ACBD6: variants seen among roughly 807,000 people sequenced by gnomAD.
The protein encoded by ACBD6 is acyl-CoA-binding domain-containing protein 6.
In ACBD6, 28 loss-of-function variants were observed where a neutral mutation model predicts 37.2. The observed-to-expected ratio is 0.75, with a 90% CI of 0.56 to 1.03. The LOEUF (loss-of-function observed/expected upper bound fraction) is 1.03, where lower values mean the gene tolerates loss of function less well. ACBD6 is among the 50% of genes least tolerant of loss of function. The pLI is 0.00. For missense variants in ACBD6, 340 were observed against 337.4 expected (o/e 1.01, Z -0.06); for synonymous variants, 113 against 126.8 (o/e 0.89, Z 0.73).
At chr1:180,285,994 A>G (rs1280870029), downstream of ACBD6, among the ~76,000 whole-genome samples, 1 of 152,220 alleles carries the variant, frequency 6.6e-6, no homozygotes, top group African/African-American at 2.4e-5. Context: ...ACTACTTTCT[A>G]TGAGACTTTT....
At chr1:180,333,333 T>C (rs1651561227) in intron 6 of ACBD6, among the ~76,000 whole-genome samples, 1 of 152,216 alleles carries the variant, frequency 6.6e-6, no homozygotes, top group African/African-American at 2.4e-5. Flanking sequence ...CATATCTAGT[T>C]CTGCATTCAA....
intron 1 of ACBD6, 123 bp downstream of exon 1, chr1:180,501,922 A>C (rs2102111544): frequency 1.0e-6 from 1 of 960,862 alleles, no homozygotes; most frequent in South Asian, 1.5e-5. Context: ...AAAAAAACAA[A>C]ACAAAATACA....
At chr1:180,312,674 TG>T (rs1650639082) in intron 7 of ACBD6, among the ~76,000 whole-genome samples, 1 of 152,242 alleles carries the variant, frequency 6.6e-6, no homozygotes, top group Admixed American at 6.5e-5. Context: ...ATGTTTGCTC[TG>T]GGTTTTTGAT....
intron 5 of ACBD6, among the ~76,000 whole-genome samples, chr1:180,411,872 A>C (rs749793684): frequency 6.6e-6 from 1 of 151,924 alleles, no homozygotes; most frequent in Non-Finnish European, 1.5e-5. Context: ...GGATCTCACT[A>C]TGTTGGCCAG....
intron 3 of ACBD6, among the ~76,000 whole-genome samples, chr1:180,452,411 T>C (rs1649745925): frequency 6.6e-6 from 1 of 151,782 alleles, no homozygotes; most frequent in South Asian, 2.1e-4. Context: ...GCGAAGGTTG[T>C]GGTGAGCCGA....
exon 14 of ACBD6, chr1:180,270,764 C>T (rs1007074020): frequency 1.9e-5 from 3 of 158,408 alleles, no homozygotes; most frequent in Non-Finnish European, 4.2e-5. Flanking sequence ...CCATCCCATT[C>T]TCTTCATCTG....
intron 6 of ACBD6, among the ~76,000 whole-genome samples, chr1:180,323,805 T>C (rs1308606101): frequency 1.3e-5 from 2 of 152,092 alleles, no homozygotes; most frequent in African/African-American, 4.8e-5. Flanking sequence ...GTGAAGTGTG[T>C]CTCTTGTAGG....
At chr1:180,483,872 A>G (rs1557889626) in intron 3 of ACBD6, among the ~76,000 whole-genome samples, 1 of 152,190 alleles carries the variant, frequency 6.6e-6, no homozygotes, top group Admixed American at 6.5e-5. Context: ...AAGAAATAGT[A>G]CCCATGCATC....
chr1:180,495,925 T>C (rs1651720201), intron 1 of ACBD6, among the ~76,000 whole-genome samples: 1 of 152,210 alleles, frequency 6.6e-6, no homozygotes, highest in Admixed American at 6.5e-5. Context: ...TCAGAATTCA[T>C]AACACTGTTT....
intron 7 of ACBD6, among the ~76,000 whole-genome samples, chr1:180,300,467 T>C (rs978444405): frequency 6.6e-6 from 1 of 152,118 alleles, no homozygotes; most frequent in African/African-American, 2.4e-5. Context: ...TAGTGAAAAA[T>C]TATAAATTAA....
chr1:180,343,879 G>T (rs1226260195), intron 6 of ACBD6, among the ~76,000 whole-genome samples: 5 of 152,062 alleles, frequency 3.3e-5, no homozygotes, highest in African/African-American at 1.2e-4. Context: ...GACCGGCCTG[G>T]GTGACAGAAA....
intron 9 of ACBD6, chr1:180,278,247 A>T (rs1244477055): frequency 6.6e-6 from 1 of 152,208 alleles, no homozygotes; most frequent in African/African-American, 2.4e-5. Flanking sequence ...GATGAAGAAA[A>T]ATTCAATTAA....
At chr1:180,305,202 G>T (rs10913963) in intron 7 of ACBD6, among the ~76,000 whole-genome samples, 7,410 of 152,236 alleles carry the variant, frequency 0.049, 528 homozygotes, top group East Asian at 0.29. Context: ...AGGACTTCAT[G>T]TCTACAACAC....
intron 6 of ACBD6, among the ~76,000 whole-genome samples, chr1:180,393,992 T>C (rs145076684): frequency 3.9e-4 from 60 of 152,306 alleles, no homozygotes; most frequent in Middle Eastern, 3.4e-3. Flanking sequence ...TCCAAACAAA[T>C]AGAACGTAAG....
At chr1:180,370,049 C>T (rs554506132) in intron 6 of ACBD6, among the ~76,000 whole-genome samples, 33 of 152,224 alleles carry the variant, frequency 2.2e-4, no homozygotes, top group African/African-American at 7.7e-4. Flanking sequence ...TAGCTTATAT[C>T]AAACACATTA....
chr1:180,400,685 C>T (rs552531975), intron 5 of ACBD6, among the ~76,000 whole-genome samples: 2 of 152,234 alleles, frequency 1.3e-5, no homozygotes, highest in East Asian at 1.9e-4. Flanking sequence ...TATAAACATG[C>T]TCTAATTTAA....
chr1:180,473,324 G>A (rs1385709366), intron 3 of ACBD6, among the ~76,000 whole-genome samples: 1 of 150,566 alleles, frequency 6.6e-6, no homozygotes, highest in Non-Finnish European at 1.5e-5. Context: ...GCGGGCGCCT[G>A]TAGTCCCAGC....
At chr1:180,476,632 C>A (rs1371583280) in intron 3 of ACBD6, among the ~76,000 whole-genome samples, 1 of 152,124 alleles carries the variant, frequency 6.6e-6, no homozygotes, top group Non-Finnish European at 1.5e-5. Context: ...TTGAGACCAG[C>A]CTGGTCAACA....
At chr1:180,497,305 C>T (rs1367185557) in intron 1 of ACBD6, among the ~76,000 whole-genome samples, 3 of 152,152 alleles carry the variant, frequency 2.0e-5, no homozygotes, top group Non-Finnish European at 4.4e-5. Flanking sequence ...CAACTTCTGC[C>T]TAGGTTCTGG....
Sources: allele counts gnomAD v4.1 joint callset (sites outside exome capture counted in the v4.1 genomes callset), GRCh38; gene constraint gnomAD v4.1.1; transcripts MANE v1.5; gene names NCBI Gene and HGNC (gene_info 2026-07-23, HGNC 2026-07-21).